Variants in EFCAB5 observed in about 807,000 individuals in gnomAD.
The protein encoded by EFCAB5 is EF-hand calcium binding domain 5, also known as EF-hand calcium-binding domain-containing protein 5.
In EFCAB5, 131 loss-of-function variants were observed where a neutral mutation model predicts 167.9. The observed-to-expected ratio is 0.78, with a 90% CI of 0.68 to 0.90. The LOEUF (loss-of-function observed/expected upper bound fraction) is 0.90, where lower values mean the gene tolerates loss of function less well. EFCAB5 is among the 40% of genes least tolerant of loss of function. The pLI is 0.00. For synonymous variants in EFCAB5, 574 were observed against 602.8 expected, an observed-to-expected ratio of 0.95 and a Z score of 0.70; for missense variants, 1,663 against 1,745.2, an observed-to-expected ratio of 0.95 and a Z score of 0.84.
chr17:30,069,061 G>T lies in EFCAB5; in HGVS notation c.2738-9154G>T. The T allele has an allele frequency of 2.1e-6, 3 of 1,411,008 alleles. No homozygotes were observed. The South Asian group carries it at 3.5e-5, about 16-fold the overall frequency. The allele number at this position is 1,411,008 out of a possible 1,614,324, so 87.4% of individuals were successfully genotyped here. On this transcript the variant is annotated intron_variant, in intron 14 of 22. Transcript: ENST00000394835. ...TTTCATTGAAGATTACTTAAAAAAA[G>T]TGTGTAAACTTTACTCAGAACAAAG...
chr17:29,978,197 G>T (rs1049735890), intron 4 of EFCAB5, among the ~76,000 whole-genome samples: 1 of 152,144 alleles, frequency 6.6e-6, no homozygotes, highest in African/African-American at 2.4e-5. Context: ...AGGTGCTTCT[G>T]CACAGGTGAT....
At chr17:30,009,875 A>G (rs184386986) in intron 7 of EFCAB5, among the ~76,000 whole-genome samples, 3 of 151,958 alleles carry the variant, frequency 2.0e-5, no homozygotes, top group African/African-American at 7.3e-5. Flanking sequence ...GGTTTGTTAC[A>G]TATGTATACA....
intron 4 of EFCAB5, among the ~76,000 whole-genome samples, chr17:29,978,517 A>T (rs1258755224): frequency 2.0e-5 from 3 of 152,192 alleles, no homozygotes; most frequent in Admixed American, 2.0e-4. Context: ...GGACTGCAAG[A>T]TCATGGTCTC....
chr17:29,939,571 G>A (rs893106685), upstream of EFCAB5, among the ~76,000 whole-genome samples: 1 of 152,188 alleles, frequency 6.6e-6, no homozygotes, highest in African/African-American at 2.4e-5. Context: ...CTTCATTGAC[G>A]ATCTTAGTTA....
chr17:30,056,633 A>C (rs1194790523), intron 12 of EFCAB5, among the ~76,000 whole-genome samples: 1 of 152,230 alleles, frequency 6.6e-6, no homozygotes, highest in African/African-American at 2.4e-5. Flanking sequence ...GCTTTCAGAC[A>C]AAGCATGTCT....
intron 14 of EFCAB5, among the ~76,000 whole-genome samples, chr17:30,071,848 G>A (rs907240329): frequency 1.3e-5 from 2 of 152,114 alleles, no homozygotes; most frequent in African/African-American, 2.4e-5. Flanking sequence ...TTGCCACAAC[G>A]TAGATGAGCT....
At chr17:30,078,807 C>A (rs531361766) in intron 15 of EFCAB5, among the ~76,000 whole-genome samples, 1 of 152,316 alleles carries the variant, frequency 6.6e-6, no homozygotes, top group South Asian at 2.1e-4. Context: ...GGACAATAGA[C>A]AGATTATGAA....
chr17:29,937,300 C>T (rs936285409), upstream of EFCAB5, among the ~76,000 whole-genome samples: 1 of 152,150 alleles, frequency 6.6e-6, no homozygotes, highest in African/African-American at 2.4e-5. Context: ...GATTCTCCTA[C>T]CTCAGCCTCC....
intron 6 of EFCAB5, among the ~76,000 whole-genome samples, chr17:29,999,068 TA>T (rs2068606106): frequency 1.3e-5 from 2 of 152,258 alleles, no homozygotes; most frequent in Admixed American, 1.3e-4. Flanking sequence ...GCTTGCACCT[TA>T]AATTTTGTTT....
chr17:30,069,110 T>G, intron 14 of EFCAB5: 1 of 1,491,398 alleles, frequency 6.7e-7, no homozygotes, highest in African/African-American at 1.4e-5. Context: ...AAAAGAGTGG[T>G]GGATAAGAAA....
intron 7 of EFCAB5, among the ~76,000 whole-genome samples, chr17:30,027,293 CTTTTTTTTTT>C (rs906468665): frequency 5.9e-5 from 4 of 67,366 alleles, no homozygotes; most frequent in African/African-American, 1.7e-4. Flanking sequence ...CCACACCAGT[CTTTTTTTTTT>C]TTTTTTTTTT....
Position 29,999,194 on chromosome 17 carries a change from G to A in EFCAB5, c.974-712G>A, listed in dbSNP as rs73987656. ...GACTCCCAATCTATATACACATTAC[G>A]AACTTTCCCTGAGCCCCAGGTCCTA... On this transcript the variant is annotated intron_variant, in intron 6 of 22. Coordinates refer to ENST00000394835, the MANE Select transcript of EFCAB5 (RefSeq NM_198529.4). Among the ~76,000 whole-genome samples, 1,236 of 151,804 alleles carry A rather than the reference G, an allele frequency of 8.1e-3. 19 individuals carry two copies. The highest frequency in any genetic ancestry group is 0.029 in the African/African-American group (1,189 of 41,372).
At chr17:30,085,563 AC>A (rs1221845602) in intron 18 of EFCAB5, among the ~76,000 whole-genome samples, 20 of 152,168 alleles carry the variant, frequency 1.3e-4, no homozygotes, top group Non-Finnish European at 2.1e-4. Context: ...TACTAAAAAT[AC>A]AAAAAAATTA....
intron 5 of EFCAB5, among the ~76,000 whole-genome samples, chr17:29,995,173 C>T (rs73265753): frequency 6.6e-5 from 10 of 152,068 alleles, no homozygotes; most frequent in Non-Finnish European, 1.5e-4. Context: ...CCACTGTGCC[C>T]AGCTTGCCCT....
intron 4 of EFCAB5, among the ~76,000 whole-genome samples, chr17:29,977,982 A>T (rs548222925): frequency 4.3e-4 from 66 of 152,132 alleles, no homozygotes; most frequent in Middle Eastern, 3.4e-3. Flanking sequence ...TATTTTTTTT[A>T]AAAAAAGCTT....
intron 14 of EFCAB5, chr17:30,073,816 C>A (rs1223009224): frequency 2.2e-6 from 1 of 462,746 alleles, no homozygotes; most frequent in Non-Finnish European, 4.1e-6. Context: ...ATCCCAGCTA[C>A]TCAAGAGGCA....
chr17:30,009,318 C>T (rs545331459), intron 7 of EFCAB5, among the ~76,000 whole-genome samples: 1 of 152,248 alleles, frequency 6.6e-6, no homozygotes, highest in South Asian at 2.1e-4. Context: ...GGAGTACAAC[C>T]ATTAAAACAA....
intron 14 of EFCAB5, among the ~76,000 whole-genome samples, chr17:30,062,827 T>C (rs1162973570): frequency 6.6e-6 from 1 of 152,134 alleles, no homozygotes; most frequent in African/African-American, 2.4e-5. Flanking sequence ...GCTGAGGCAG[T>C]ACTCTGCCTC....
Position 30,092,922 on chromosome 17 carries a change from A to G in EFCAB5, c.4307A>G (p.Asp1436Gly). 1 of 1,607,780 alleles carries G rather than the reference A, an allele frequency of 6.2e-7. No homozygotes were observed. The highest frequency in any genetic ancestry group is 1.3e-5 in the African/African-American group (1 of 74,736). ...KHVEVNVQLIDEYIRDHSRTE... is the reference protein window; with the variant it reads ...KHVEVNVQLIGEYIRDHSRTE... ...GTGGAAGTTAATGTACAGCTTATTG[A>G]TGAATATATCAGAGGTAAATTTCCA... is the stretch of plus-strand genomic sequence containing the variant. Residue 1436 changes from aspartate to glycine, a missense_variant, in exon 22 of 23, where the codon GAT becomes GGT. Physicochemically the swap from Asp to Gly is moderately conservative, Grantham distance 94 (BLOSUM62 -1). Coordinates refer to ENST00000394835, the MANE Select transcript of EFCAB5 (RefSeq NM_198529.4).
Sources: allele counts gnomAD v4.1 joint callset (sites outside exome capture counted in the v4.1 genomes callset), GRCh38; gene constraint gnomAD v4.1.1; transcripts MANE v1.5; gene names NCBI Gene and HGNC (gene_info 2026-07-23, HGNC 2026-07-21).